The following COL5A2 variants were observed in gnomAD, a reference collection of about 807,000 sequenced individuals.
The protein encoded by COL5A2 is collagen type V alpha 2 chain.
COL5A2 carries 23 observed loss-of-function variants against 208.2 expected under a neutral mutation model. The observed-to-expected ratio is 0.11, with a 90% CI of 0.08 to 0.16. The LOEUF (loss-of-function observed/expected upper bound fraction) is 0.16. COL5A2 is among the 10% of genes least tolerant of loss of function. The pLI, the probability that COL5A2 is intolerant of heterozygous loss-of-function variation, is 1.00. For synonymous variants in COL5A2, 625 were observed against 628.5 expected (o/e 0.99, Z 0.08); for missense variants, 1,590 against 1,956.4 (o/e 0.81, Z 3.53).
At chr2:189,100,258 A>C (rs1175708661) in intron 3 of COL5A2, 119 bp from the exon 4 acceptor site, 1 of 736,632 alleles carries the variant, frequency 1.4e-6, no homozygotes, top group Non-Finnish European at 2.4e-6. Context: ...TAAGAAATGC[A>C]AAAAACTACA....
chr2:189,243,133 A>G, the COL5A2 span, among the ~76,000 whole-genome samples: 1 of 152,186 alleles, frequency 6.6e-6, no homozygotes, highest in Non-Finnish European at 1.5e-5. Flanking sequence ...TGAGTGATGA[A>G]CAATCCTTTT....
chr2:189,406,120 G>C, the COL5A2 span, among the ~76,000 whole-genome samples: 2 of 152,038 alleles, frequency 1.3e-5, no homozygotes, highest in East Asian at 3.9e-4. Flanking sequence ...TTTACTAAGT[G>C]AATGACTAAT....
At chr2:189,149,093 T>G (rs1320279816) in intron 1 of COL5A2, among the ~76,000 whole-genome samples, 1 of 152,138 alleles carries the variant, frequency 6.6e-6, no homozygotes, top group East Asian at 1.9e-4. Context: ...TGAGCCGAGA[T>G]CGCACCACTG....
At chr2:189,100,858 T>C (rs967426797) in intron 3 of COL5A2, among the ~76,000 whole-genome samples, 3 of 152,062 alleles carry the variant, frequency 2.0e-5, no homozygotes, top group Non-Finnish European at 4.4e-5. Flanking sequence ...GTAATAGATG[T>C]AGATAGAATT....
At chr2:189,276,326 C>T in the COL5A2 span, among the ~76,000 whole-genome samples, 1 of 152,114 alleles carries the variant, frequency 6.6e-6, no homozygotes, top group African/African-American at 2.4e-5. Context: ...GGCTTTTATT[C>T]ACTATGTGTA....
the COL5A2 span, among the ~76,000 whole-genome samples, chr2:189,230,530 T>TA: frequency 1.3e-5 from 2 of 151,798 alleles, no homozygotes; most frequent in South Asian, 4.1e-4. Context: ...ACAAATGACT[T>TA]AAATAGATAT....
chr2:189,281,066 G>T, the COL5A2 span, among the ~76,000 whole-genome samples: 5,890 of 151,932 alleles, frequency 0.039, 128 homozygotes, highest in Admixed American at 0.052. Context: ...ATATTTGCAC[G>T]TTGTGTGGTT....
the COL5A2 span, among the ~76,000 whole-genome samples, chr2:189,333,542 C>T: frequency 2.6e-5 from 4 of 152,164 alleles, no homozygotes; most frequent in East Asian, 5.8e-4. Flanking sequence ...GAATTGTCTA[C>T]CCCCAAAATT....
chr2:189,191,015 G>A (rs1294641341), intron 1 of COL5A2, among the ~76,000 whole-genome samples: 2 of 151,990 alleles, frequency 1.3e-5, no homozygotes, highest in African/African-American at 4.8e-5. Context: ...AACAGCGTAT[G>A]ATAAAAGGAC....
chr2:189,062,836 T>TCACA (rs752418883), intron 29 of COL5A2, 29 bp downstream of exon 29: 1 of 1,604,514 alleles, frequency 6.2e-7, no homozygotes. Flanking sequence ...ATATATATTC[T>TCACA]CACACACACA....
chr2:189,374,501 G>C, the COL5A2 span, among the ~76,000 whole-genome samples: 1 of 151,840 alleles, frequency 6.6e-6, no homozygotes, highest in South Asian at 2.1e-4. Context: ...TAAAAAAACT[G>C]AAAAGCCACA....
chr2:189,289,900 T>A, the COL5A2 span, among the ~76,000 whole-genome samples: 1 of 152,206 alleles, frequency 6.6e-6, no homozygotes, highest in Admixed American at 6.5e-5. Context: ...ACAATGTCCA[T>A]GCTACCCAAA....
intron 2 of COL5A2, among the ~76,000 whole-genome samples, chr2:189,107,241 G>A (rs1687168933): frequency 1.3e-5 from 2 of 151,466 alleles, no homozygotes; most frequent in East Asian, 1.9e-4. Context: ...AAATTTCTCT[G>A]TTTCTTCTAA....
At chr2:189,210,513 A>G (rs1026651760) in intron 1 of COL5A2, among the ~76,000 whole-genome samples, 1 of 152,196 alleles carries the variant, frequency 6.6e-6, no homozygotes, top group Non-Finnish European at 1.5e-5. Flanking sequence ...GACTCACCAG[A>G]ATTGCAGCAT....
intron 1 of COL5A2, among the ~76,000 whole-genome samples, chr2:189,214,352 T>A (rs981575387): frequency 6.6e-6 from 1 of 152,020 alleles, no homozygotes; most frequent in African/African-American, 2.4e-5. Context: ...ATAATGAAAC[T>A]AATAGAGATG....
the COL5A2 span, among the ~76,000 whole-genome samples, chr2:189,323,288 C>G: frequency 6.6e-6 from 1 of 152,084 alleles, no homozygotes; most frequent in African/African-American, 2.4e-5. Context: ...TCTCACCACT[C>G]CTATTCAACA....
At chr2:189,364,727 G>A in the COL5A2 span, among the ~76,000 whole-genome samples, 4 of 151,546 alleles carry the variant, frequency 2.6e-5, no homozygotes, top group Non-Finnish European at 2.9e-5. Context: ...TCTCAGCTGT[G>A]ACACATAAAG....
chr2:189,371,121 G>C, the COL5A2 span, among the ~76,000 whole-genome samples: 1 of 152,078 alleles, frequency 6.6e-6, no homozygotes, highest in African/African-American at 2.4e-5. Flanking sequence ...TCTTGCTTTT[G>C]CTATGAGATG....
At chr2:189,306,915 T>C in the COL5A2 span, among the ~76,000 whole-genome samples, 1 of 152,226 alleles carries the variant, frequency 6.6e-6, no homozygotes, top group Non-Finnish European at 1.5e-5. Context: ...GTGTAAAATG[T>C]AATTATACAT....
Sources: gnomAD v4.1 joint callset for allele counts (sites outside exome capture counted in the v4.1 genomes callset) on GRCh38, gnomAD v4.1.1 for gene constraint, MANE v1.5 for transcripts, NCBI Gene and HGNC (gene_info 2026-07-23, HGNC 2026-07-21) for gene names.